Variants in RAPGEF4 observed in about 807,000 individuals in gnomAD.
RAPGEF4 encodes the protein Rap guanine nucleotide exchange factor 4.
A neutral mutation model predicts 147.9 loss-of-function variants in RAPGEF4; 66 were observed. That is an observed-to-expected ratio of 0.45 (90% CI 0.37 to 0.55). The LOEUF (loss-of-function observed/expected upper bound fraction) is 0.55, where lower values mean the gene tolerates loss of function less well. RAPGEF4 is among the 20% of genes least tolerant of loss of function. RAPGEF4 has a pLI of 0.00. For synonymous variants in RAPGEF4, 419 were observed against 442.7 expected, an observed-to-expected ratio of 0.95 and a Z score of 0.67; for missense variants, 1,071 against 1,257.3, an observed-to-expected ratio of 0.85 and a Z score of 2.24.
chr2:173,020,519 C>T (rs959657288), intron 22 of RAPGEF4, 99 bp from the exon 23 acceptor site: 14 of 944,546 alleles, frequency 1.5e-5, no homozygotes, highest in East Asian at 7.3e-5. Context: ...CTGCGTGTTC[C>T]GGTAATTCAC....
At position 173,001,295 on chromosome 2, in the gene RAPGEF4, C is replaced by T. The variant is rs1435818787; in HGVS notation, c.1609C>T (p.His537Tyr). Residue 537 changes from histidine (H) to tyrosine (Y), a missense_variant, in exon 17 of 31, where the codon CAC becomes TAC. By Grantham distance (83) the His-to-Tyr change is moderately conservative (BLOSUM62 2). Coordinates refer to ENST00000397081, the MANE Select transcript of RAPGEF4 (RefSeq NM_007023.4). ...DSVLNDFIMM[H>Y]CVFMPNTQLC... ...TGTTTTAAATGACTTTATTATGATG[C>T]ACTGTGTTTTTATGCCAAATACCCA... 5 of 1,613,812 alleles carry T rather than the reference C, an allele frequency of 3.1e-6. No individual in the cohort carries two copies. Among genetic ancestry groups the T allele is most frequent in the East Asian group, 2.2e-5 (1 of 44,890 alleles).
intron 22 of RAPGEF4, 23 bp downstream of exon 22, chr2:173,018,825 T>C: frequency 6.2e-7 from 1 of 1,607,714 alleles, no homozygotes. Context: ...ATTCATATTT[T>C]AGGCTCTGCA....
At chr2:172,819,477 T>TTTTTC in intron 4 of RAPGEF4, among the ~76,000 whole-genome samples, 1 of 135,270 alleles carries the variant, frequency 7.4e-6, no homozygotes, top group African/African-American at 2.8e-5. Flanking sequence ...TTTTTTTTTT[T>TTTTTC]TTTTTTGAGA....
intron 4 of RAPGEF4, among the ~76,000 whole-genome samples, chr2:172,858,604 G>T (rs1015462458): frequency 8.5e-5 from 13 of 152,240 alleles, no homozygotes; most frequent in African/African-American, 3.1e-4. Flanking sequence ...TAAAGATTTG[G>T]CTTTCAGCCT....
intron 3 of RAPGEF4, among the ~76,000 whole-genome samples, chr2:172,802,251 A>G (rs1310807928): frequency 1.3e-5 from 2 of 152,220 alleles, no homozygotes; most frequent in African/African-American, 4.8e-5. Context: ...GTCCATTTTC[A>G]TGCTGCTCAG....
intron 15 of RAPGEF4, among the ~76,000 whole-genome samples, chr2:172,993,892 C>T (rs1028639174): frequency 6.6e-6 from 1 of 152,188 alleles, no homozygotes; most frequent in Admixed American, 6.5e-5. Context: ...AAAGAAAGAT[C>T]CTGGGGGTCT....
rs1693510198 is a variant in RAPGEF4 at position 172,997,724 on chromosome 2, TAGAAGAG to T, written c.1579+1171_1579+1177del. On this transcript the variant is annotated intron_variant, in intron 16 of 30. Coordinates refer to ENST00000397081, the MANE Select transcript of RAPGEF4 (RefSeq NM_007023.4). ...AATATTTTAAGCACATTGAGCTCCA[TAGAAGAG>T]CCTTTCTCACTAAAAGAAGTTCAGA... is the stretch of plus-strand genomic sequence containing the variant. Among the ~76,000 whole-genome samples the T allele has an allele frequency of 7.9e-5, 12 of 152,322 alleles. No homozygotes were observed. The South Asian group carries it at 2.5e-3, about 32-fold the overall frequency.
chr2:173,024,051 G>A (rs1029420098), intron 23 of RAPGEF4, among the ~76,000 whole-genome samples: 2 of 152,002 alleles, frequency 1.3e-5, no homozygotes, highest in East Asian at 1.9e-4. Context: ...CATCAGCTTC[G>A]GTTCAGTTCC....
intron 20 of RAPGEF4, 92 bp from the exon 21 acceptor site, chr2:173,017,334 G>A: frequency 1.3e-6 from 2 of 1,486,998 alleles, no homozygotes; most frequent in Admixed American, 3.4e-5. Flanking sequence ...TTCATTTCTT[G>A]ACTCTGCTTG....
intron 15 of RAPGEF4, 76 bp from the exon 16 acceptor site, chr2:172,996,390 A>C: frequency 1.2e-6 from 1 of 820,022 alleles, no homozygotes. Context: ...AAAAAAAAAA[A>C]ACTTAGATAA....
intron 10 of RAPGEF4, among the ~76,000 whole-genome samples, chr2:172,982,050 A>G (rs902271177): frequency 1.3e-5 from 2 of 152,186 alleles, no homozygotes; most frequent in Non-Finnish European, 2.9e-5. Context: ...TCTCAGAAAG[A>G]TATTGTCCCC....
At chr2:173,011,317 TG>T (rs1268816526) in intron 17 of RAPGEF4, among the ~76,000 whole-genome samples, 1 of 152,034 alleles carries the variant, frequency 6.6e-6, no homozygotes, top group African/African-American at 2.4e-5. Context: ...GTTAGGATAG[TG>T]GGGGTGGGAA....
intron 4 of RAPGEF4, among the ~76,000 whole-genome samples, chr2:172,904,991 C>T (rs1575189846): frequency 6.6e-6 from 1 of 151,968 alleles, no homozygotes; most frequent in Non-Finnish European, 1.5e-5. Context: ...CCCCTGTGTG[C>T]TGAGGCCTCA....
chr2:172,836,783 T>C (rs1340541520), intron 4 of RAPGEF4, among the ~76,000 whole-genome samples: 4 of 152,252 alleles, frequency 2.6e-5, no homozygotes, highest in African/African-American at 9.6e-5. Context: ...ACTAGTCATT[T>C]AGTGCTTTCA....
At chr2:172,751,506 A>C (rs1213020781) in intron 1 of RAPGEF4, among the ~76,000 whole-genome samples, 1 of 152,194 alleles carries the variant, frequency 6.6e-6, no homozygotes, top group African/African-American at 2.4e-5. Flanking sequence ...GACGGTAAAC[A>C]AATACAGACA....
intron 1 of RAPGEF4, among the ~76,000 whole-genome samples, chr2:172,794,676 G>C (rs1416323092): frequency 6.6e-6 from 1 of 152,026 alleles, no homozygotes; most frequent in African/African-American, 2.4e-5. Flanking sequence ...GCCCCTGCAG[G>C]CATTTGTGTT....
intron 2 of RAPGEF4, 121 bp downstream of exon 2, chr2:172,795,288 A>G: frequency 9.9e-7 from 1 of 1,006,866 alleles, no homozygotes; most frequent in Non-Finnish European, 1.5e-6. Flanking sequence ...TTCAACCAAA[A>G]GTATTAAGGT....
intron 6 of RAPGEF4, among the ~76,000 whole-genome samples, chr2:172,938,246 G>C (rs1378325459): frequency 1.9e-5 from 2 of 107,792 alleles, no homozygotes; most frequent in Non-Finnish European, 2.1e-5. Context: ...CACACACACA[G>C]ACAACCATCT....
At chr2:172,901,655 T>C (rs56294608) in intron 4 of RAPGEF4, among the ~76,000 whole-genome samples, 19,738 of 152,252 alleles carry the variant, frequency 0.13, 1,593 homozygotes, top group South Asian at 0.26. Flanking sequence ...AGTTATCTCA[T>C]TCAGTCCTTC....
Sources: allele counts gnomAD v4.1 joint callset (sites outside exome capture counted in the v4.1 genomes callset), GRCh38; gene constraint gnomAD v4.1.1; transcripts MANE v1.5; gene names NCBI Gene and HGNC (gene_info 2026-07-23, HGNC 2026-07-21).